The following CUX1 variants were observed in gnomAD, a reference collection of about 807,000 sequenced individuals.
The protein encoded by CUX1 is cut like homeobox 1.
A neutral mutation model predicts 158.8 loss-of-function variants in CUX1; 31 were observed. The observed-to-expected ratio is 0.20, with a 90% CI of 0.15 to 0.26. The LOEUF (loss-of-function observed/expected upper bound fraction) is 0.26, where lower values mean the gene tolerates loss of function less well. Ranked by LOEUF, CUX1 falls within the 10% of genes least tolerant of loss-of-function variation. The pLI, the probability that CUX1 is intolerant of heterozygous loss-of-function variation, is 1.00. For missense variants in CUX1, 1,589 were observed against 2,014.6 expected (o/e 0.79, Z 4.04); for synonymous variants, 879 against 862.1 (o/e 1.02, Z -0.34).
At chr7:101,976,281 T>G (rs1812665162) in intron 2 of CUX1, among the ~76,000 whole-genome samples, 1 of 152,256 alleles carries the variant, frequency 6.6e-6, no homozygotes, top group Admixed American at 6.5e-5. Flanking sequence ...TTTCACTTGG[T>G]TTTTGAATCG....
intron 2 of CUX1, among the ~76,000 whole-genome samples, chr7:102,003,223 C>G (rs969879791): frequency 6.6e-6 from 1 of 151,650 alleles, no homozygotes; most frequent in Non-Finnish European, 1.5e-5. Flanking sequence ...AGAGAGGCCC[C>G]TTGATCCCAC....
At chr7:102,042,053 AGTGT>A (rs35975675) in intron 3 of CUX1, among the ~76,000 whole-genome samples, 32 of 150,860 alleles carry the variant, frequency 2.1e-4, no homozygotes, top group East Asian at 1.4e-3. Context: ...TGAGTGTGTG[AGTGT>A]GTGTGTGTGT....
At position 102,189,864 on chromosome 7, in the gene CUX1, G is replaced by C; in HGVS notation, c.1069G>C (p.Glu357Gln). 6.2e-7 allele frequency: 1 copy of C among 1,614,266 alleles called. No individual in the cohort carries two copies. Among genetic ancestry groups the C allele is most frequent in the South Asian group, 1.1e-5 (1 of 91,082 alleles). ...GGCTGACTATGAAGAGGTGAAGAAAGAGCTGAAGTAAGTACGGAGAGCCCT... is the reference window on the plus strand; with the variant it reads ...GGCTGACTATGAAGAGGTGAAGAAACAGCTGAAGTAAGTACGGAGAGCCCT... ...GQADYEEVKK[E>Q]LNILKSMEFA... Residue 357 changes from glutamate (E) to glutamine (Q), a missense_variant, in exon 12 of 24, where the codon GAG becomes CAG. Glu to Gln is a conservative substitution (Grantham distance 29). Coordinates refer to ENST00000292535, the MANE Select transcript of CUX1 (RefSeq NM_181552.4).
chr7:101,973,585 C>T (rs1382757853), intron 2 of CUX1, among the ~76,000 whole-genome samples: 5 of 152,028 alleles, frequency 3.3e-5, no homozygotes, highest in African/African-American at 1.2e-4. Flanking sequence ...AATGAATGCA[C>T]CCGTGTCCCC....
chr7:102,224,231 G>C (rs957309608), intron 20 of CUX1, among the ~76,000 whole-genome samples: 1 of 152,112 alleles, frequency 6.6e-6, no homozygotes, highest in Non-Finnish European at 1.5e-5. Context: ...TTTAGAGACA[G>C]AGTCTCACTC....
intron 6 of CUX1, among the ~76,000 whole-genome samples, chr7:102,105,784 A>G (rs1830282724): frequency 6.6e-6 from 1 of 152,098 alleles, no homozygotes; most frequent in Non-Finnish European, 1.5e-5. Flanking sequence ...AAGTGCTGAG[A>G]TTACAGGTGT....
In CUX1 at chr7:101,967,422, G is replaced by A. The variant is rs369412005; in HGVS notation, c.141+51197G>A. 3.0e-3 allele frequency among the ~76,000 whole-genome samples: 462 copies of A among 152,268 alleles called. 5 individuals are homozygous for A. The highest frequency in any genetic ancestry group is 0.011 in the African/African-American group (447 of 41,548). On this transcript the variant is annotated intron_variant, in intron 2 of 23. Coordinates refer to ENST00000292535, the MANE Select transcript of CUX1 (RefSeq NM_181552.4). The stretch of plus-strand genomic sequence containing the variant: ...ACACCGCGCTAGATCTGGTAGCCGC[G>A]GACAATTTGGATTCCTTCTCCAGTG...
chr7:101,991,529 G>C (rs568392734), intron 2 of CUX1, among the ~76,000 whole-genome samples: 5 of 152,212 alleles, frequency 3.3e-5, no homozygotes, highest in African/African-American at 9.6e-5. Context: ...GTGACCGAGG[G>C]GGGTGGATCA....
intron 2 of CUX1, among the ~76,000 whole-genome samples, chr7:102,021,983 A>T (rs1372077849): frequency 6.6e-6 from 1 of 152,174 alleles, no homozygotes; most frequent in Non-Finnish European, 1.5e-5. Context: ...CTGCAGACAG[A>T]GGTGAACCTC....
At chr7:102,107,328 C>G (rs1554488779) in intron 6 of CUX1, among the ~76,000 whole-genome samples, 1 of 152,148 alleles carries the variant, frequency 6.6e-6, no homozygotes, top group Admixed American at 6.5e-5. Context: ...CACTTGAGGT[C>G]AGGAGTTCAA....
intron 4 of CUX1, among the ~76,000 whole-genome samples, chr7:102,086,922 G>A (rs1247591742): frequency 2.6e-5 from 4 of 151,804 alleles, no homozygotes; most frequent in Admixed American, 1.3e-4. Context: ...ATTCCATATC[G>A]TAAAGTATTC....
chr7:102,240,267 T>G (rs1157940502), intron 23 of CUX1, among the ~76,000 whole-genome samples: 1 of 152,178 alleles, frequency 6.6e-6, no homozygotes, highest in Non-Finnish European at 1.5e-5. Context: ...TATAGTTATA[T>G]TCATATTTAT....
rs10240469 is a variant in CUX1, at chr7:102,088,404, G to C, written c.269-8960G>C. 7.9e-5 allele frequency among the ~76,000 whole-genome samples: 12 copies of C among 151,986 alleles called. No homozygotes were observed. In the East Asian group the frequency reaches 1.9e-3, roughly 24 times the overall value. On this transcript the variant is annotated intron_variant, in intron 4 of 23. Coordinates refer to ENST00000292535, the MANE Select transcript of CUX1 (RefSeq NM_181552.4). ...TCCCAACACTTTGGGAGGCTGAGGC[G>C]GGCAGATCGCTTGAGGTCTGGAGCT...
At chr7:102,035,072 TAAAAA>T (rs55710671) in intron 3 of CUX1, among the ~76,000 whole-genome samples, 4 of 139,486 alleles carry the variant, frequency 2.9e-5, no homozygotes, top group Non-Finnish European at 3.1e-5. Context: ...CCAGTGGTGG[TAAAAA>T]AAAAAAAAAA....
intron 2 of CUX1, among the ~76,000 whole-genome samples, chr7:101,932,840 G>A (rs987636955): frequency 2.0e-5 from 3 of 152,182 alleles, no homozygotes; most frequent in African/African-American, 7.2e-5. Context: ...AACAGGATCA[G>A]GGTAGGTTCT....
At chr7:102,116,511 A>C (rs782405889) in intron 8 of CUX1, among the ~76,000 whole-genome samples, 10 of 152,074 alleles carry the variant, frequency 6.6e-5, no homozygotes, top group African/African-American at 2.4e-4. Context: ...CGAGCATGGC[A>C]GTGTGCACCT....
intron 8 of CUX1, among the ~76,000 whole-genome samples, chr7:102,152,704 A>C (rs1257911977): frequency 6.6e-6 from 1 of 152,174 alleles, no homozygotes; most frequent in East Asian, 1.9e-4. Context: ...CTTTTAAAAT[A>C]ATAATCAGAG....
chr7:101,817,524 G>A (rs1791994048), upstream of CUX1: 1 of 1,207,950 alleles, frequency 8.3e-7, no homozygotes, highest in Non-Finnish European at 1.0e-6. The surrounding 1 kb of genome is among the most constrained non-coding windows in gnomAD (Gnocchi z 4.1). Flanking sequence ...TGCCCAAGGG[G>A]CGAGTGCCTG....
intron 1 of CUX1, among the ~76,000 whole-genome samples, chr7:101,909,458 C>T (rs1803166745): frequency 6.6e-6 from 1 of 152,350 alleles, no homozygotes; most frequent in South Asian, 2.1e-4. Flanking sequence ...CCCTTTCTAG[C>T]CAGAGAACCC....
Sources: allele counts gnomAD v4.1 joint callset (sites outside exome capture counted in the v4.1 genomes callset), GRCh38; gene constraint gnomAD v4.1.1; non-coding constraint Gnocchi (gnomAD v3.1); transcripts MANE v1.5; gene names NCBI Gene and HGNC (gene_info 2026-07-23, HGNC 2026-07-21).